PDK1: variants seen among roughly 807,000 people sequenced by gnomAD.
PDK1 encodes the protein pyruvate dehydrogenase kinase 1.
PDK1 carries 39 observed loss-of-function variants against 54.2 expected under a neutral mutation model. The ratio of observed to expected loss-of-function variants is 0.72; its 90% confidence interval spans 0.56 to 0.94. The LOEUF (loss-of-function observed/expected upper bound fraction) is 0.94. PDK1 is among the 40% of genes least tolerant of loss of function. The pLI is 0.00. For missense variants in PDK1, 552 were observed against 566.0 expected, an observed-to-expected ratio of 0.98 and a Z score of 0.25; for synonymous variants, 221 against 207.1, an observed-to-expected ratio of 1.07 and a Z score of -0.58.
the PDK1 span, among the ~76,000 whole-genome samples, chr2:172,694,519 C>T: frequency 6.6e-6 from 1 of 152,166 alleles, no homozygotes; most frequent in Non-Finnish European, 1.5e-5. Context: ...TGGGCATTCT[C>T]CAGGCATTCA....
Position 172,556,196 on chromosome 2 carries a change from G to A in PDK1, c.46G>A (p.Gly16Ser), listed in dbSNP as rs2149168961. The change falls in exon 1 of 11, where the codon GGC (glycine) becomes AGC (serine). Residue 16 changes from glycine (G) to serine (S), a missense_variant. Physicochemically the swap from Gly to Ser is moderately conservative, Grantham distance 56. Coordinates refer to ENST00000282077, the MANE Select transcript of PDK1 (RefSeq NM_002610.5). The stretch of plus-strand genomic sequence containing the variant: ...TCGCGGAGCCGCCTTGGCCGGCCCG[G>A]GCCCGGGGCTGCGCGCCGCCGGCTT... ...LLRGAALAGP[G>S]PGLRAAGFSR... 3.5e-6 allele frequency: 5 copies of A among 1,416,272 alleles called. No individual in the cohort carries two copies. The highest frequency in any genetic ancestry group is 2.5e-4 in the Middle Eastern group (1 of 4,072). The allele number at this position is 1,416,272 out of a possible 1,614,324, so 87.7% of individuals were successfully genotyped here.
chr2:172,634,798 T>A, the PDK1 span, among the ~76,000 whole-genome samples: 6 of 151,758 alleles, frequency 4.0e-5, no homozygotes, highest in Non-Finnish European at 7.4e-5. Flanking sequence ...AGATAAGGTT[T>A]TTTATTTTCA....
At chr2:172,626,440 T>A in the PDK1 span, among the ~76,000 whole-genome samples, 1 of 152,214 alleles carries the variant, frequency 6.6e-6, no homozygotes, top group Non-Finnish European at 1.5e-5. Flanking sequence ...ACTGTTCTTG[T>A]CTCTGTAGTT....
the PDK1 span, among the ~76,000 whole-genome samples, chr2:172,661,844 A>G: frequency 6.6e-6 from 1 of 152,202 alleles, no homozygotes; most frequent in Admixed American, 6.5e-5. Context: ...TAAACTACCT[A>G]TAGGGTACTA....
At chr2:172,627,758 C>T in the PDK1 span, among the ~76,000 whole-genome samples, 2 of 152,164 alleles carry the variant, frequency 1.3e-5, no homozygotes, top group Non-Finnish European at 2.9e-5. Context: ...AAGCTAGAAT[C>T]AAGGGATATT....
the PDK1 span, among the ~76,000 whole-genome samples, chr2:172,650,232 C>G: frequency 6.6e-6 from 1 of 152,146 alleles, no homozygotes; most frequent in Non-Finnish European, 1.5e-5. Flanking sequence ...CATATCCAGC[C>G]AAATTAAGCT....
At chr2:172,680,364 T>A in the PDK1 span, among the ~76,000 whole-genome samples, 1 of 152,146 alleles carries the variant, frequency 6.6e-6, no homozygotes, top group Non-Finnish European at 1.5e-5. Context: ...TTTTCTTTTT[T>A]AAATAGAGAC....
chr2:172,564,412 T>G (rs1688823727), intron 3 of PDK1, 91 bp from the exon 4 acceptor site: 2 of 995,816 alleles, frequency 2.0e-6, no homozygotes, highest in Non-Finnish European at 3.0e-6. Flanking sequence ...AATTGGGGAT[T>G]TTTTGTCTAG....
At chr2:172,558,074 C>G (rs757088119) in intron 1 of PDK1, 1 of 152,320 alleles carries the variant, frequency 6.6e-6, no homozygotes, top group Non-Finnish European at 1.5e-5. Context: ...AAACAGTCCT[C>G]AAGCCTCGGC....
rs748787954 is a variant in PDK1, at chr2:172,595,813, G to C, written c.1171-16G>C. ...AAAATGCCAGACTTAATAGGTCTTA[G>C]GTTTTTCTTTTTCAGGCTCTGTCAA... On this transcript the variant is annotated splice_polypyrimidine_tract_variant and intron_variant, in intron 10 of 10. Coordinates refer to ENST00000282077, the MANE Select transcript of PDK1 (RefSeq NM_002610.5). 5.6e-6 allele frequency: 9 copies of C among 1,611,930 alleles called. No individual in the cohort carries two copies. Among genetic ancestry groups the C allele is most frequent in the Middle Eastern group, 1.6e-4 (1 of 6,072 alleles).
the PDK1 span, among the ~76,000 whole-genome samples, chr2:172,632,720 G>A: frequency 5.3e-5 from 8 of 151,920 alleles, no homozygotes; most frequent in East Asian, 2.0e-4. Flanking sequence ...GGTGGCTCAC[G>A]CCTGTAATCC....
In PDK1 at chr2:172,597,135, C is replaced by T. The variant is rs1315291773; in HGVS notation, c.*1166C>T. Reference sequence around the variant, plus strand: ...TCTTTTTTTTTTTTCAAGACAGGGTCTCGCTCTTTTGCCCAGGATGGAGTA... The same window carrying T: ...TCTTTTTTTTTTTTCAAGACAGGGTTTCGCTCTTTTGCCCAGGATGGAGTA... On this transcript the variant is annotated 3_prime_UTR_variant, in exon 11 of 11. Transcript: ENST00000282077. 1 of 150,942 alleles carries T rather than the reference C, an allele frequency of 6.6e-6. No homozygotes were observed. Among genetic ancestry groups the T allele is most frequent in the African/African-American group, 2.4e-5 (1 of 40,994 alleles). The allele number at this position is 150,942 out of a possible 1,614,324, so 9.4% of individuals were successfully genotyped here. A position where few individuals can be genotyped will look rare whatever the true frequency, so the allele number is the denominator to read the frequency against.
At chr2:172,622,004 C>G in the PDK1 span, among the ~76,000 whole-genome samples, 5 of 141,426 alleles carry the variant, frequency 3.5e-5, no homozygotes, top group African/African-American at 1.3e-4. Context: ...ATGTTTATAG[C>G]TCATGATGCA....
intron 3 of PDK1, chr2:172,562,829 A>G (rs1467467024): frequency 3.1e-6 from 5 of 1,606,290 alleles, no homozygotes; most frequent in Non-Finnish European, 4.3e-6. Flanking sequence ...TTAATAACCC[A>G]TATACCAGAA....
At chr2:172,705,960 A>T in the PDK1 span, among the ~76,000 whole-genome samples, 27,299 of 152,174 alleles carry the variant, frequency 0.18, 2,852 homozygotes, top group African/African-American at 0.28. Context: ...GTAGATTCTC[A>T]TGCAGTTGTA....
intron 7 of PDK1, 155 bp from the exon 8 acceptor site, chr2:172,570,570 AT>A (rs1172892081): frequency 6.2e-6 from 3 of 487,212 alleles, no homozygotes; most frequent in Non-Finnish European, 1.1e-5. Flanking sequence ...AATTGACTCC[AT>A]TAAAAAAAAA....
intron 10 of PDK1, among the ~76,000 whole-genome samples, chr2:172,594,037 CTTT>C (rs35036603): frequency 5.2e-5 from 7 of 134,752 alleles, no homozygotes; most frequent in Admixed American, 7.4e-5. Flanking sequence ...CAATGTTTTT[CTTT>C]TTTTTTTTTT....
chr2:172,701,631 G>GTTTT, the PDK1 span, among the ~76,000 whole-genome samples: 1 of 128,576 alleles, frequency 7.8e-6, no homozygotes, highest in Non-Finnish European at 1.6e-5. Flanking sequence ...AGTTTATCCT[G>GTTTT]TTTTTTTTTT....
the PDK1 span, among the ~76,000 whole-genome samples, chr2:172,680,398 C>G: frequency 6.6e-6 from 1 of 152,096 alleles, no homozygotes; most frequent in African/African-American, 2.4e-5. Context: ...GCTGCCTAGG[C>G]TGGAGTGCAG....
Sources: gnomAD v4.1 joint callset for allele counts (sites outside exome capture counted in the v4.1 genomes callset) on GRCh38, gnomAD v4.1.1 for gene constraint, MANE v1.5 for transcripts, NCBI Gene and HGNC (gene_info 2026-07-23, HGNC 2026-07-21) for gene names.